Variants in SDK1 observed in about 807,000 individuals in gnomAD.
SDK1 encodes the protein sidekick cell adhesion molecule 1, also known as protein sidekick-1.
Under a neutral mutation model 245.5 loss-of-function variants are expected in SDK1, and 157 were observed. The ratio of observed to expected loss-of-function variants is 0.64; its 90% confidence interval spans 0.56 to 0.73. The LOEUF is 0.73. Among genes scored for constraint, SDK1 ranks in the 30% least tolerant of loss-of-function variants. The pLI, the probability that SDK1 is intolerant of heterozygous loss-of-function variation, is 0.00. For synonymous variants in SDK1, 1,647 were observed against 1,278.5 expected (o/e 1.29, Z -6.15); for missense variants, 3,583 against 3,002.3 (o/e 1.19, Z -4.52).
chr7:3,829,040 G>T (rs530964950), intron 5 of SDK1, among the ~76,000 whole-genome samples: 1 of 152,106 alleles, frequency 6.6e-6, no homozygotes, highest in South Asian at 2.1e-4. Flanking sequence ...TTTTAAATGG[G>T]TGATGCTGTG....
chr7:3,481,927 A>G (rs933484105), intron 1 of SDK1, among the ~76,000 whole-genome samples: 2 of 152,252 alleles, frequency 1.3e-5, no homozygotes, highest in Non-Finnish European at 2.9e-5. Flanking sequence ...GCTTAATCAA[A>G]TCAGCCGTCC....
At position 3,971,692 on chromosome 7, in the gene SDK1, G is replaced by A. The variant is rs559140718; in HGVS notation, c.1817+124G>A. 76 of 727,740 alleles carry A rather than the reference G, an allele frequency of 1.0e-4. 1 individual carries two copies. Among genetic ancestry groups the A allele is most frequent in the Middle Eastern group, 3.0e-4 (1 of 3,368 alleles). The allele number at this position is 727,740 out of a possible 1,614,324, so 45.1% of individuals were successfully genotyped here. A position where few individuals can be genotyped will look rare whatever the true frequency, so the allele number is the denominator to read the frequency against. On this transcript the variant is annotated intron_variant, in intron 12 of 44. Transcript: ENST00000404826. ...TTTCAGCAGCAGGTCCCTGATTACG[G>A]TATCTTCTGGTTGTGGGCACCGTCA... is the stretch of plus-strand genomic sequence containing the variant.
At chr7:3,450,039 A>C (rs567357219) in intron 1 of SDK1, among the ~76,000 whole-genome samples, 2 of 152,364 alleles carry the variant, frequency 1.3e-5, no homozygotes, top group Admixed American at 6.5e-5. Flanking sequence ...GAAAGGAATT[A>C]ACCAGGCATA....
chr7:4,186,659 C>T (rs1017844850), intron 35 of SDK1, among the ~76,000 whole-genome samples: 4 of 152,072 alleles, frequency 2.6e-5, no homozygotes, highest in Non-Finnish European at 4.4e-5. Flanking sequence ...GAAGGGCTGC[C>T]GTCAATGAGT....
intron 28 of SDK1, among the ~76,000 whole-genome samples, chr7:4,139,721 A>ATGTGTGTGTGTGTGTATGTGTG (rs1779435657): frequency 9.0e-6 from 1 of 110,662 alleles, no homozygotes; most frequent in Non-Finnish European, 1.9e-5. Flanking sequence ...GTGTGTGTGT[A>ATGTGTGTGTGTGTGTATGTGTG]TGTGTGTGTG....
At chr7:3,366,327 T>G (rs900612289) in intron 1 of SDK1, among the ~76,000 whole-genome samples, 2 of 152,110 alleles carry the variant, frequency 1.3e-5, no homozygotes, top group African/African-American at 4.8e-5. Flanking sequence ...AATGTAGTAG[T>G]CTATGGTCTC....
chr7:3,903,352 C>T (rs1211097991), intron 5 of SDK1, among the ~76,000 whole-genome samples: 1 of 152,018 alleles, frequency 6.6e-6, no homozygotes, highest in Admixed American at 6.6e-5. Context: ...ACCGTGTTAG[C>T]CAGGATGGTC....
intron 4 of SDK1, among the ~76,000 whole-genome samples, chr7:3,773,494 G>T (rs933260736): frequency 1.3e-5 from 2 of 152,074 alleles, no homozygotes; most frequent in Non-Finnish European, 2.9e-5. Context: ...CAAGACAGTT[G>T]TTTTAAAGTC....
chr7:3,727,037 CT>C (rs1779031138), intron 4 of SDK1, among the ~76,000 whole-genome samples: 1 of 152,204 alleles, frequency 6.6e-6, no homozygotes, highest in Non-Finnish European at 1.5e-5. Flanking sequence ...GACTGACAGT[CT>C]TGGGAATGTG....
intron 1 of SDK1, among the ~76,000 whole-genome samples, chr7:3,584,216 G>T (rs958762219): frequency 6.6e-6 from 1 of 152,152 alleles, no homozygotes; most frequent in Non-Finnish European, 1.5e-5. Context: ...AATATGCTTT[G>T]TGACTGTAGG....
At chr7:4,033,563 G>T (rs1449406357) in intron 17 of SDK1, among the ~76,000 whole-genome samples, 2 of 152,150 alleles carry the variant, frequency 1.3e-5, no homozygotes, top group Admixed American at 1.3e-4. Flanking sequence ...AATCTTTGCA[G>T]TTTATATCCC....
intron 1 of SDK1, among the ~76,000 whole-genome samples, chr7:3,523,117 G>GA (rs1276205726): frequency 2.6e-5 from 4 of 152,148 alleles, no homozygotes; most frequent in African/African-American, 9.7e-5. Flanking sequence ...TTTTGAATTG[G>GA]AAATGGCAAT....
chr7:3,427,245 A>G (rs1318178529), intron 1 of SDK1, among the ~76,000 whole-genome samples: 1 of 152,196 alleles, frequency 6.6e-6, no homozygotes, highest in Non-Finnish European at 1.5e-5. Context: ...AAAACATTAG[A>G]TGAAAGGCTC....
intron 44 of SDK1, among the ~76,000 whole-genome samples, chr7:4,252,957 C>T (rs1009684859): frequency 6.6e-6 from 1 of 150,866 alleles, no homozygotes; most frequent in Non-Finnish European, 1.5e-5. Flanking sequence ...GTTTATAATC[C>T]TTCATTTCTG....
intron 7 of SDK1, among the ~76,000 whole-genome samples, chr7:3,954,845 C>G (rs1475902705): frequency 2.0e-5 from 3 of 151,748 alleles, no homozygotes; most frequent in Non-Finnish European, 2.9e-5. Context: ...TGGCATAACT[C>G]TATTATCCTA....
intron 17 of SDK1, among the ~76,000 whole-genome samples, chr7:4,021,284 G>A (rs925669154): frequency 1.3e-5 from 2 of 152,136 alleles, no homozygotes; most frequent in African/African-American, 4.8e-5. Context: ...TCCACAGATC[G>A]GGGTACTGGG....
At chr7:3,778,653 A>G (rs1374829487) in intron 4 of SDK1, among the ~76,000 whole-genome samples, 1 of 152,250 alleles carries the variant, frequency 6.6e-6, no homozygotes, top group Non-Finnish European at 1.5e-5. Context: ...GTATTTTTAG[A>G]TCAAACGTGA....
At chr7:3,622,564 T>G (rs933177602) in intron 2 of SDK1, among the ~76,000 whole-genome samples, 3 of 152,154 alleles carry the variant, frequency 2.0e-5, no homozygotes, top group Non-Finnish European at 4.4e-5. Context: ...ATGCAACCTT[T>G]CAGAATTATA....
intron 4 of SDK1, among the ~76,000 whole-genome samples, chr7:3,696,076 T>C (rs1034869303): frequency 2.0e-5 from 3 of 152,154 alleles, no homozygotes; most frequent in African/African-American, 7.2e-5. Flanking sequence ...CCCTTGTTCT[T>C]ATGCAATACT....
Sources: gnomAD v4.1 joint callset for allele counts (sites outside exome capture counted in the v4.1 genomes callset) on GRCh38, gnomAD v4.1.1 for gene constraint, MANE v1.5 for transcripts, NCBI Gene and HGNC (gene_info 2026-07-23, HGNC 2026-07-21) for gene names.